The following PPFIA2 variants were observed in gnomAD, a reference collection of about 807,000 sequenced individuals.
PPFIA2 encodes the protein liprin-alpha-2.
PPFIA2 carries 46 observed loss-of-function variants against 175.5 expected under a neutral mutation model. The ratio of observed to expected loss-of-function variants is 0.26; its 90% CI spans 0.21 to 0.34. The LOEUF (loss-of-function observed/expected upper bound fraction) is 0.34. Among genes scored for constraint, PPFIA2 ranks in the 10% least tolerant of loss-of-function variants. The pLI is 1.00. For missense variants in PPFIA2, 1,179 were observed against 1,506.1 expected (o/e 0.78, Z 3.60); for synonymous variants, 568 against 511.4 (o/e 1.11, Z -1.49).
At chr12:81,353,435 C>T in intron 16 of PPFIA2, 96 bp from the exon 17 acceptor site, 1 of 841,968 alleles carries the variant, frequency 1.2e-6, no homozygotes, top group Non-Finnish European at 1.9e-6. Flanking sequence ...CATGCTTTTA[C>T]AACTGACCTT....
intron 4 of PPFIA2, among the ~76,000 whole-genome samples, chr12:81,632,568 T>C (rs1248934869): frequency 1.3e-5 from 2 of 152,168 alleles, no homozygotes; most frequent in Admixed American, 6.5e-5. Flanking sequence ...AAAAACTCTA[T>C]ATTGAGCTGA....
chr12:81,284,351 C>G (rs1257252909), intron 24 of PPFIA2, 48 bp from the exon 25 acceptor site: 1 of 1,386,932 alleles, frequency 7.2e-7, no homozygotes, highest in East Asian at 2.4e-5. Context: ...GGGAGGCAAG[C>G]AGTGGTAAAG....
In PPFIA2 at chr12:81,358,133, T is replaced by A; in HGVS notation, c.1722A>T (p.Val574=). Residue 574 remains valine (V), a synonymous_variant, in exon 16 of 33, where the codon GTA becomes GTT. Coordinates refer to ENST00000549396, the MANE Select transcript of PPFIA2 (RefSeq NM_003625.5). ...TGCGGCCTCTCCTTGGTCTTCTTAT[T>A]ACTTTAGTTGTTCTGTAATCAGACT... The part of the protein sequence containing the change: ...DSQSDYRTTK[V]IRRPRRGRMG... The A allele has an allele frequency of 6.2e-7, 1 of 1,602,744 alleles. No homozygotes were observed. Among genetic ancestry groups the A allele is most frequent in the South Asian group, 1.1e-5 (1 of 88,672 alleles).
intron 3 of PPFIA2, among the ~76,000 whole-genome samples, chr12:81,713,983 T>C (rs953425266): frequency 3.3e-5 from 5 of 151,036 alleles, no homozygotes; most frequent in African/African-American, 4.8e-5. Context: ...AATAATAAGA[T>C]GACATTTGGA....
intron 7 of PPFIA2, 21 bp from the exon 8 acceptor site, chr12:81,405,924 G>T: frequency 7.2e-7 from 1 of 1,392,858 alleles, no homozygotes; most frequent in Non-Finnish European, 9.9e-7. Flanking sequence ...AAAGCACTAT[G>T]CCTTTAAAGT....
intron 3 of PPFIA2, among the ~76,000 whole-genome samples, chr12:81,741,717 G>A (rs934740052): frequency 5.3e-5 from 8 of 151,262 alleles, no homozygotes; most frequent in Non-Finnish European, 4.4e-5. Flanking sequence ...TCCTTCCAAT[G>A]TGGCCCAGGG....
intron 28 of PPFIA2, among the ~76,000 whole-genome samples, chr12:81,269,640 AC>A (rs775581195): frequency 9.9e-5 from 15 of 152,210 alleles, no homozygotes; most frequent in Non-Finnish European, 1.8e-4. Flanking sequence ...TTCTCACCTA[AC>A]AGTAACCAAT....
intron 20 of PPFIA2, among the ~76,000 whole-genome samples, chr12:81,340,566 T>C (rs1595088226): frequency 6.6e-6 from 1 of 152,154 alleles, no homozygotes; most frequent in African/African-American, 2.4e-5. Flanking sequence ...CTTATCTTTT[T>C]ATTTAATATT....
intron 4 of PPFIA2, among the ~76,000 whole-genome samples, chr12:81,503,403 G>T (rs944738625): frequency 3.9e-5 from 6 of 151,900 alleles, no homozygotes; most frequent in Non-Finnish European, 7.4e-5. Context: ...AAGACCAAAT[G>T]GTTTTCCCAC....
chr12:81,342,967 A>G (rs1458689584), intron 19 of PPFIA2, among the ~76,000 whole-genome samples: 2 of 151,178 alleles, frequency 1.3e-5, no homozygotes, highest in Non-Finnish European at 2.9e-5. Flanking sequence ...TAATAATAAT[A>G]ATAATAATAA....
chr12:81,655,834 T>C (rs953173356), intron 4 of PPFIA2, among the ~76,000 whole-genome samples: 1 of 152,010 alleles, frequency 6.6e-6, no homozygotes, highest in Non-Finnish European at 1.5e-5. Context: ...TATATTCTAG[T>C]CCAATCAGAT....
intron 4 of PPFIA2, among the ~76,000 whole-genome samples, chr12:81,462,875 A>C (rs1191677471): frequency 6.6e-6 from 1 of 151,976 alleles, no homozygotes; most frequent in Non-Finnish European, 1.5e-5. Context: ...TCTATTCCGT[A>C]GTGCTTTGGG....
intron 4 of PPFIA2, among the ~76,000 whole-genome samples, chr12:81,579,108 C>G (rs2074026816): frequency 6.6e-6 from 1 of 151,730 alleles, no homozygotes; most frequent in Non-Finnish European, 1.5e-5. Context: ...CAAGTGCTTT[C>G]TTTACGACTT....
At chr12:81,373,824 G>A (rs1238101155) in intron 11 of PPFIA2, among the ~76,000 whole-genome samples, 1 of 151,972 alleles carries the variant, frequency 6.6e-6, no homozygotes, top group African/African-American at 2.4e-5. Context: ...CTCACTTATT[G>A]TAGTGGCCTT....
At chr12:81,346,394 C>A (rs1010880868) in intron 18 of PPFIA2, among the ~76,000 whole-genome samples, 6 of 151,352 alleles carry the variant, frequency 4.0e-5, no homozygotes, top group Non-Finnish European at 8.8e-5. Flanking sequence ...AGTTTTGCCA[C>A]GAGAATTAAA....
At chr12:81,347,898 C>A in intron 17 of PPFIA2, 128 bp from the exon 18 acceptor site, 1 of 1,338,610 alleles carries the variant, frequency 7.5e-7, no homozygotes, top group Non-Finnish European at 9.8e-7. Context: ...TACATCAAAT[C>A]TAATTTTTTC....
intron 3 of PPFIA2, among the ~76,000 whole-genome samples, chr12:81,715,616 C>G (rs2078508864): frequency 6.6e-6 from 1 of 151,584 alleles, no homozygotes. Flanking sequence ...TCTCAGTTTC[C>G]ATGAATATAA....
At chr12:81,387,762 G>A (rs1271648704) in intron 8 of PPFIA2, among the ~76,000 whole-genome samples, 3 of 152,064 alleles carry the variant, frequency 2.0e-5, no homozygotes, top group Admixed American at 2.0e-4. Flanking sequence ...ATAACTGACT[G>A]GCAATTGGTT....
intron 4 of PPFIA2, among the ~76,000 whole-genome samples, chr12:81,640,607 G>T (rs568121441): frequency 5.3e-5 from 8 of 151,928 alleles, no homozygotes; most frequent in Non-Finnish European, 1.2e-4. Flanking sequence ...ATTTTCTAGT[G>T]CCCCATCATC....
Sources: gnomAD v4.1 joint callset for allele counts (sites outside exome capture counted in the v4.1 genomes callset) on GRCh38, gnomAD v4.1.1 for gene constraint, MANE v1.5 for transcripts, NCBI Gene and HGNC (gene_info 2026-07-23, HGNC 2026-07-21) for gene names.